Variants in AKAP13 observed in about 807,000 individuals in gnomAD.
AKAP13 encodes the protein A-kinase anchoring protein 13, also known as A-kinase anchor protein 13.
Under a neutral mutation model 264.5 loss-of-function variants are expected in AKAP13, and 80 were observed. The observed-to-expected ratio is 0.30, with a 90% CI of 0.25 to 0.36. The LOEUF is 0.36. Ranked by LOEUF, AKAP13 falls within the 10% of genes least tolerant of loss-of-function variation. AKAP13 has a pLI of 1.00. For missense variants in AKAP13, 3,712 were observed against 3,435.2 expected (o/e 1.08, Z -2.01); for synonymous variants, 1,380 against 1,250.2 (o/e 1.10, Z -2.19).
chr15:85,387,313 G>A (rs1489358219), intron 1 of AKAP13, among the ~76,000 whole-genome samples: 3 of 152,054 alleles, frequency 2.0e-5, no homozygotes, highest in Non-Finnish European at 2.9e-5. Flanking sequence ...TCCAGCCTGG[G>A]TGATAGAACG....
intron 17 of AKAP13, among the ~76,000 whole-genome samples, chr15:85,698,368 G>C (rs2085684935): frequency 6.6e-6 from 1 of 151,026 alleles, no homozygotes; most frequent in Admixed American, 6.6e-5. Context: ...GGGAGGCTGA[G>C]GCAGGAGAAT....
chr15:85,719,954 T>C (rs994716698), intron 23 of AKAP13, among the ~76,000 whole-genome samples: 5 of 151,492 alleles, frequency 3.3e-5, no homozygotes, highest in Non-Finnish European at 5.9e-5. Context: ...TATTTGGGGC[T>C]GGGCACACTG....
chr15:85,451,138 G>T, intron 1 of AKAP13, among the ~76,000 whole-genome samples: 1 of 152,116 alleles, frequency 6.6e-6, no homozygotes, highest in East Asian at 1.9e-4. Flanking sequence ...GATCCTTGTT[G>T]GTTTGGAGTC....
At position 85,698,499 on chromosome 15, in the gene AKAP13, G is replaced by C. The variant is rs570126687; in HGVS notation, c.5464+5048G>C. 1.3e-4 allele frequency among the ~76,000 whole-genome samples: 20 copies of C among 148,260 alleles called. No homozygotes were observed. In the South Asian group the frequency reaches 4.1e-3, roughly 30 times the overall value. ...AAAAAAAAAGGAGAGAGAGAATATA[G>C]GACAGATCAGAGGTTGCCAAACTTT... On this transcript the variant is annotated intron_variant, in intron 17 of 36. Coordinates refer to ENST00000394518, the MANE Select transcript of AKAP13 (RefSeq NM_007200.5).
At chr15:85,544,978 G>A (rs774630039) in intron 5 of AKAP13, among the ~76,000 whole-genome samples, 2 of 152,150 alleles carry the variant, frequency 1.3e-5, no homozygotes, top group African/African-American at 2.4e-5. Flanking sequence ...TGCTACTTAC[G>A]GTTATGTAAA....
At chr15:85,642,886 C>G (rs1395852786) in intron 9 of AKAP13, among the ~76,000 whole-genome samples, 1 of 152,104 alleles carries the variant, frequency 6.6e-6, no homozygotes, top group Admixed American at 6.6e-5. Flanking sequence ...ACAGCCCTTT[C>G]TTTTCTTGGC....
chr15:85,543,976 A>C (rs1283509040), intron 5 of AKAP13, 21 bp downstream of exon 5: 4 of 1,610,454 alleles, frequency 2.5e-6, no homozygotes, highest in Non-Finnish European at 3.4e-6. Flanking sequence ...CTTCTGCCTT[A>C]TTTCCCTCCT....
At chr15:85,735,539 A>AG (rs2088401199) in intron 31 of AKAP13, 21 bp from the exon 32 acceptor site, 3 of 1,570,698 alleles carry the variant, frequency 1.9e-6, no homozygotes, top group Non-Finnish European at 2.6e-6. Context: ...AAAAAAAAAA[A>AG]CAACCCTATT....
rs2089446748 is a variant in AKAP13, at chr15:85,748,966, C to T, written c.*4289C>T. On this transcript the variant is annotated 3_prime_UTR_variant, in exon 37 of 37. Transcript: ENST00000394518. ...CATGGGGCGTGCCTGGTGAGTCTGC[C>T]TGTGGTTCAGGCTTAGCCTGTGGTC... is the stretch of plus-strand genomic sequence containing the variant. The T allele has an allele frequency of 6.6e-6, 1 of 152,424 alleles. No individual in the cohort carries two copies. Among genetic ancestry groups the T allele is most frequent in the East Asian group, 1.9e-4 (1 of 5,162 alleles). 9.4% of individuals were successfully genotyped at this position (152,424 alleles called of 1,614,324 possible).
At chr15:85,691,373 G>C (rs1452544466) in intron 16 of AKAP13, among the ~76,000 whole-genome samples, 1 of 152,144 alleles carries the variant, frequency 6.6e-6, no homozygotes, top group Admixed American at 6.5e-5. Context: ...CATGGTCCTG[G>C]CCTCCTAAGG....
intron 1 of AKAP13, chr15:85,389,882 C>T (rs568060973): frequency 6.6e-6 from 1 of 152,338 alleles, no homozygotes; most frequent in South Asian, 2.1e-4. Context: ...ATCTGTAACA[C>T]TTGTGATCTG....
At chr15:85,629,156 C>T (rs1288018303) in intron 8 of AKAP13, among the ~76,000 whole-genome samples, 2 of 151,990 alleles carry the variant, frequency 1.3e-5, no homozygotes, top group East Asian at 3.9e-4. Flanking sequence ...ATGATTGCAC[C>T]ACTGTACTCC....
At chr15:85,595,913 G>A (rs1470407827) in intron 8 of AKAP13, among the ~76,000 whole-genome samples, 1 of 152,182 alleles carries the variant, frequency 6.6e-6, no homozygotes, top group Non-Finnish European at 1.5e-5. Flanking sequence ...GAACCATGTG[G>A]AAATTGAAAC....
chr15:85,575,918 A>G (rs564744352), intron 6 of AKAP13, among the ~76,000 whole-genome samples: 8 of 152,186 alleles, frequency 5.3e-5, no homozygotes, highest in Non-Finnish European at 1.0e-4. Flanking sequence ...CCTGGGAGGC[A>G]GAGGTTGCAG....
chr15:85,667,663 G>C (rs1198099357), intron 13 of AKAP13, among the ~76,000 whole-genome samples: 1 of 152,192 alleles, frequency 6.6e-6, no homozygotes, highest in Admixed American at 6.5e-5. Flanking sequence ...TTTAGCTCCA[G>C]CTCATTTAAA....
intron 1 of AKAP13, among the ~76,000 whole-genome samples, chr15:85,442,088 A>G (rs1283176310): frequency 6.6e-6 from 1 of 152,106 alleles, no homozygotes; most frequent in Non-Finnish European, 1.5e-5. Context: ...AGCCTAGGAT[A>G]GTACAAGCTA....
chr15:85,575,096 A>T, intron 5 of AKAP13, 35 bp from the exon 6 acceptor site: 1 of 1,599,168 alleles, frequency 6.3e-7, no homozygotes. Context: ...GGGAGGCAGA[A>T]TGTATATATA....
chr15:85,658,487 T>A (rs1242765454), intron 11 of AKAP13, 50 bp from the exon 12 acceptor site: 2 of 1,548,930 alleles, frequency 1.3e-6, no homozygotes, highest in Non-Finnish European at 8.9e-7. Context: ...TGCATTTGTA[T>A]CCCATTTTGT....
chr15:85,709,204 T>C (rs544640736), intron 18 of AKAP13, among the ~76,000 whole-genome samples: 2 of 152,356 alleles, frequency 1.3e-5, no homozygotes, highest in African/African-American at 4.8e-5. Flanking sequence ...CCCTGATATT[T>C]CCCTGTACCC....
Sources: allele counts gnomAD v4.1 joint callset (sites outside exome capture counted in the v4.1 genomes callset), GRCh38; gene constraint gnomAD v4.1.1; transcripts MANE v1.5; gene names NCBI Gene and HGNC (gene_info 2026-07-23, HGNC 2026-07-21).